The following ARID3B variants were observed in gnomAD, a reference collection of about 807,000 sequenced individuals.
ARID3B encodes AT-rich interactive domain-containing protein 3B.
A neutral mutation model predicts 51.9 loss-of-function variants in ARID3B; 10 were observed. The observed-to-expected ratio is 0.19, with a 90% CI of 0.12 to 0.33. The LOEUF (loss-of-function observed/expected upper bound fraction) is 0.33. ARID3B is among the 10% of genes least tolerant of loss of function. The pLI, the probability that ARID3B is intolerant of heterozygous loss-of-function variation, is 1.00. For synonymous variants in ARID3B, 205 were observed against 279.5 expected (o/e 0.73, Z 2.66); for missense variants, 483 against 716.3 (o/e 0.67, Z 3.72).
At chr15:74,567,748 A>T (rs2141461771) in intron 2 of ARID3B, among the ~76,000 whole-genome samples, 1 of 152,308 alleles carries the variant, frequency 6.6e-6, no homozygotes, top group Non-Finnish European at 1.5e-5. Context: ...TCTGCCTATC[A>T]CACTAGTTGT....
rs531296433 is a variant in ARID3B, at chr15:74,554,614, T to C, written c.552+10126T>C. 6.6e-5 allele frequency among the ~76,000 whole-genome samples: 10 copies of C among 152,318 alleles called. No individual in the cohort carries two copies. The South Asian group carries it at 1.4e-3, about 22-fold the overall frequency. ...CACAGTGCCTGGTCATGCCCTCTTA[T>C]TTTGGATTTTCAATTTAACTATACT... On this transcript the variant is annotated intron_variant, in intron 2 of 8. Transcript: ENST00000346246.
At chr15:74,584,415 A>G (rs1234117110) in intron 4 of ARID3B, among the ~76,000 whole-genome samples, 1 of 152,208 alleles carries the variant, frequency 6.6e-6, no homozygotes, top group East Asian at 1.9e-4. Context: ...CAGTCAGGCT[A>G]TGGAAATGAT....
At chr15:74,547,330 T>C (rs114104070) in intron 2 of ARID3B, among the ~76,000 whole-genome samples, 3,717 of 152,152 alleles carry the variant, frequency 0.024, 147 homozygotes, top group African/African-American at 0.086. Context: ...GGCTAATTTA[T>C]TTTTTTATTT....
At chr15:74,568,572 A>C (rs1207509666) in intron 2 of ARID3B, among the ~76,000 whole-genome samples, 7 of 152,230 alleles carry the variant, frequency 4.6e-5, no homozygotes, top group African/African-American at 7.2e-5. Flanking sequence ...AATCCTTAGT[A>C]TGCAGAAGGC....
intron 2 of ARID3B, among the ~76,000 whole-genome samples, chr15:74,552,541 G>A (rs1210127972): frequency 6.6e-6 from 1 of 151,260 alleles, no homozygotes; most frequent in African/African-American, 2.4e-5. Context: ...ATCCGCCATT[G>A]TAGTATCACA....
intron 2 of ARID3B, among the ~76,000 whole-genome samples, chr15:74,558,350 T>G (rs1479126628): frequency 1.3e-5 from 2 of 152,134 alleles, no homozygotes; most frequent in Non-Finnish European, 2.9e-5. Context: ...AATTTCTAAT[T>G]CTGTCTTCAG....
chr15:74,594,766 C>T lies in ARID3B; in HGVS notation c.1520-845C>T, dbSNP rs185560542. Among the ~76,000 whole-genome samples, 31 of 151,804 alleles carry T rather than the reference C, an allele frequency of 2.0e-4. No individual in the cohort carries two copies. The East Asian group carries it at 5.3e-3, about 26-fold the overall frequency. On this transcript the variant is annotated intron_variant, in intron 8 of 8. Coordinates refer to ENST00000346246, the MANE Select transcript of ARID3B (RefSeq NM_006465.4). ...TAGAGGAGCAGTGGTGCCAAGTGGG[C>T]TCACCAGTCATGCTATGTCTGCAGA...
intron 4 of ARID3B, among the ~76,000 whole-genome samples, chr15:74,577,122 G>T (rs535859077): frequency 1.3e-4 from 20 of 152,114 alleles, no homozygotes; most frequent in Non-Finnish European, 2.8e-4. Flanking sequence ...TATTCCCAGC[G>T]ATCTCCTTTC....
In ARID3B at chr15:74,591,002, C is replaced by G; in HGVS notation, c.882-149C>G. The stretch of plus-strand genomic sequence containing the variant: ...GCTGGGGCAGAGTGTCCGGCCATCC[C>G]AGACTTTTCTGCCAAGTATACCAAG... On this transcript the variant is annotated intron_variant, in intron 5 of 8. Transcript: ENST00000346246. This position sits in a 1 kb window ranked among gnomAD's most constrained non-coding sequence, Gnocchi z 5.8. 2.4e-6 allele frequency: 3 copies of G among 1,263,296 alleles called. No homozygotes were observed. The highest frequency in any genetic ancestry group is 3.3e-6 in the Non-Finnish European group (3 of 921,850). 78.3% of individuals were successfully genotyped at this position (1,263,296 alleles called of 1,614,324 possible).
intron 4 of ARID3B, among the ~76,000 whole-genome samples, chr15:74,583,039 A>G (rs1394188076): frequency 6.6e-6 from 1 of 151,822 alleles, no homozygotes; most frequent in Non-Finnish European, 1.5e-5. Context: ...ACCAAAAAAA[A>G]AAAAAAAAAA....
intron 1 of ARID3B, among the ~76,000 whole-genome samples, chr15:74,541,688 G>T (rs1596246828): frequency 6.6e-6 from 1 of 151,860 alleles, no homozygotes; most frequent in East Asian, 1.9e-4. Context: ...ATAAAGAATG[G>T]GGGGAGGCGT....
intron 2 of ARID3B, among the ~76,000 whole-genome samples, chr15:74,564,739 T>C (rs1401722313): frequency 6.6e-6 from 1 of 152,182 alleles, no homozygotes; most frequent in Non-Finnish European, 1.5e-5. Flanking sequence ...TAGCTTGGAC[T>C]ACAGGCACAT....
chr15:74,582,144 C>G (rs908509736), intron 4 of ARID3B, among the ~76,000 whole-genome samples: 2 of 152,128 alleles, frequency 1.3e-5, no homozygotes, highest in African/African-American at 4.8e-5. Context: ...GCCAGTTTCT[C>G]CGAATGCAGT....
At chr15:74,574,774 G>A (rs1353201197) in intron 4 of ARID3B, 1 of 152,192 alleles carries the variant, frequency 6.6e-6, no homozygotes, top group Admixed American at 6.5e-5. Flanking sequence ...GGAGGCCAAG[G>A]TGGGTGGATC....
chr15:74,591,111 T>G lies in ARID3B; in HGVS notation c.882-40T>G. The G allele has an allele frequency of 6.5e-7, 1 of 1,550,190 alleles. No individual in the cohort carries two copies. The highest frequency in any genetic ancestry group is 1.7e-4 in the Middle Eastern group (1 of 5,752). On this transcript the variant is annotated intron_variant, in intron 5 of 8. Transcript: ENST00000346246. The surrounding 1 kb of genome is among the most constrained non-coding windows in gnomAD (Gnocchi z 5.8). The stretch of plus-strand genomic sequence containing the variant: ...ACCTCAACTGGGTGGTCTCTGGTGC[T>G]GTTTTGGATTATTCTCCCTGCTTGC...
chr15:74,543,464 T>C (rs913744153), intron 1 of ARID3B, among the ~76,000 whole-genome samples: 12 of 152,224 alleles, frequency 7.9e-5, no homozygotes, highest in African/African-American at 2.9e-4. Context: ...TGCATAATTA[T>C]GCTTCTGCTA....
At chr15:74,542,267 C>T (rs2061598026) in intron 1 of ARID3B, among the ~76,000 whole-genome samples, 1 of 152,132 alleles carries the variant, frequency 6.6e-6, no homozygotes, top group Non-Finnish European at 1.5e-5. Context: ...ACACTTTTGC[C>T]AACTGAATTT....
chr15:74,573,059 G>C (rs369563004), intron 3 of ARID3B, 73 bp from the exon 4 acceptor site: 36 of 1,591,150 alleles, frequency 2.3e-5, no homozygotes, highest in Non-Finnish European at 2.9e-5. Flanking sequence ...GATGGTCATA[G>C]TATATCTGGT....
intron 2 of ARID3B, among the ~76,000 whole-genome samples, chr15:74,571,830 G>A (rs893830185): frequency 2.0e-5 from 3 of 152,302 alleles, no homozygotes; most frequent in Middle Eastern, 6.8e-3. Flanking sequence ...TTGGCTGGGC[G>A]CAGTGGCTCA....
Sources: allele counts gnomAD v4.1 joint callset (sites outside exome capture counted in the v4.1 genomes callset), GRCh38; gene constraint gnomAD v4.1.1; non-coding constraint Gnocchi (gnomAD v3.1); transcripts MANE v1.5; gene names NCBI Gene and HGNC (gene_info 2026-07-23, HGNC 2026-07-21).